The following PLCB4 variants were observed in gnomAD, a reference collection of about 807,000 sequenced individuals.
PLCB4 encodes phospholipase C beta 4, also known as 1-phosphatidylinositol 4,5-bisphosphate phosphodiesterase beta-4.
A neutral mutation model predicts 178.8 loss-of-function variants in PLCB4; 77 were observed. The observed-to-expected ratio is 0.43, with a 90% CI of 0.36 to 0.52. The LOEUF is 0.52. Among genes scored for constraint, PLCB4 ranks in the 20% least tolerant of loss-of-function variants. PLCB4 has a pLI of 0.00. For missense variants in PLCB4, 1,024 were observed against 1,453.4 expected (o/e 0.70, Z 4.80); for synonymous variants, 496 against 490.8 (o/e 1.01, Z -0.14).
intron 2 of PLCB4, among the ~76,000 whole-genome samples, chr20:9,169,622 A>G (rs576066363): frequency 3.4e-4 from 51 of 150,758 alleles, no homozygotes; most frequent in African/African-American, 1.2e-3. Flanking sequence ...TAAATAAATA[A>G]ATACTCTGCC....
At chr20:9,217,801 G>A (rs1427475327) in intron 3 of PLCB4, among the ~76,000 whole-genome samples, 1 of 152,130 alleles carries the variant, frequency 6.6e-6, no homozygotes, top group African/African-American at 2.4e-5. Context: ...CTTGTTTTCA[G>A]TCCTGTGCAG....
chr20:9,114,413 G>GA (rs761200376), intron 2 of PLCB4, among the ~76,000 whole-genome samples: 90 of 150,694 alleles, frequency 6.0e-4, no homozygotes, highest in Non-Finnish European at 9.3e-4. Context: ...GGAGAAGTCA[G>GA]AAAAAAAAAG....
intron 28 of PLCB4, among the ~76,000 whole-genome samples, chr20:9,425,284 A>G (rs2040921896): frequency 2.0e-5 from 3 of 152,220 alleles, no homozygotes; most frequent in Admixed American, 1.3e-4. Flanking sequence ...CATACTCCAC[A>G]TACGTGAGCT....
chr20:9,438,280 G>A (rs2148652832), intron 30 of PLCB4, among the ~76,000 whole-genome samples: 1 of 152,118 alleles, frequency 6.6e-6, no homozygotes, highest in Admixed American at 6.5e-5. Context: ...GCAGGAGAAT[G>A]GCGTGAGCCC....
At chr20:9,143,215 C>A (rs985879442) in intron 2 of PLCB4, among the ~76,000 whole-genome samples, 1 of 152,096 alleles carries the variant, frequency 6.6e-6, no homozygotes, top group African/African-American at 2.4e-5. Flanking sequence ...TTGGCTGACT[C>A]GTTTGTTGTC....
chr20:9,233,359 C>T (rs991660813), intron 3 of PLCB4, among the ~76,000 whole-genome samples: 1 of 151,834 alleles, frequency 6.6e-6, no homozygotes, highest in Non-Finnish European at 1.5e-5. Context: ...GTTCTAAGCA[C>T]TTGGAAGAGA....
chr20:9,147,703 A>C (rs2092622894), intron 2 of PLCB4, among the ~76,000 whole-genome samples: 2 of 152,144 alleles, frequency 1.3e-5, no homozygotes, highest in African/African-American at 4.8e-5. Flanking sequence ...GCAGAGGAGC[A>C]AGAATGAGAA....
intron 8 of PLCB4, among the ~76,000 whole-genome samples, chr20:9,363,927 CTTACAGGTGT>C (rs912711900): frequency 7.9e-5 from 12 of 152,314 alleles, no homozygotes; most frequent in Admixed American, 7.8e-4. Context: ...GTGGCAGGTG[CTTACAGGTGT>C]GGTCTCTAGG....
intron 4 of PLCB4, among the ~76,000 whole-genome samples, chr20:9,324,255 G>A (rs977427422): frequency 6.6e-6 from 1 of 151,882 alleles, no homozygotes; most frequent in Non-Finnish European, 1.5e-5. Flanking sequence ...GTGAAACCCT[G>A]TCTCTACTAA....
intron 2 of PLCB4, among the ~76,000 whole-genome samples, chr20:9,112,285 T>G (rs2091608049): frequency 6.6e-6 from 1 of 150,402 alleles, no homozygotes; most frequent in Admixed American, 6.6e-5. Flanking sequence ...AGATAGAGTC[T>G]TGCTCTGTTG....
intron 12 of PLCB4, among the ~76,000 whole-genome samples, 182 bp from the exon 13 acceptor site, chr20:9,379,872 C>T (rs1240189508): frequency 6.6e-6 from 1 of 151,954 alleles, no homozygotes; most frequent in African/African-American, 2.4e-5. Flanking sequence ...AAAGTATTCC[C>T]AAATGTGGAC....
chr20:9,158,495 C>A (rs1386920349), intron 2 of PLCB4, among the ~76,000 whole-genome samples: 1 of 151,020 alleles, frequency 6.6e-6, no homozygotes, highest in South Asian at 2.1e-4. Flanking sequence ...TCTCAAACTC[C>A]TGACCTCATG....
intron 2 of PLCB4, among the ~76,000 whole-genome samples, chr20:9,111,840 A>G (rs919401403): frequency 1.8e-4 from 28 of 152,348 alleles, no homozygotes; most frequent in Admixed American, 1.6e-3. Context: ...CCATACAGAA[A>G]TAATTACTTT....
chr20:9,421,860 C>T (rs1457443820), intron 27 of PLCB4, among the ~76,000 whole-genome samples: 31 of 152,204 alleles, frequency 2.0e-4, no homozygotes, highest in Admixed American at 2.0e-3. Context: ...GATGTCACTA[C>T]ATGGGTCAGT....
intron 4 of PLCB4, among the ~76,000 whole-genome samples, chr20:9,336,654 C>T (rs890643656): frequency 2.6e-5 from 4 of 151,356 alleles, no homozygotes; most frequent in Middle Eastern, 6.9e-3. Flanking sequence ...GTTCAAGATG[C>T]GCTTTACAGG....
At chr20:9,452,495 G>C (rs963745011) in intron 32 of PLCB4, among the ~76,000 whole-genome samples, 1 of 152,164 alleles carries the variant, frequency 6.6e-6, no homozygotes, top group Non-Finnish European at 1.5e-5. Context: ...GTGTCATTTA[G>C]AGTTGGAAAT....
intron 13 of PLCB4, among the ~76,000 whole-genome samples, chr20:9,383,081 G>A (rs1390823057): frequency 1.3e-5 from 2 of 152,130 alleles, no homozygotes; most frequent in African/African-American, 4.8e-5. Flanking sequence ...GATAAAAATA[G>A]CAAGTTGCAA....
At chr20:9,365,167 T>A (rs910629878) in intron 8 of PLCB4, among the ~76,000 whole-genome samples, 1 of 152,192 alleles carries the variant, frequency 6.6e-6, no homozygotes, top group Admixed American at 6.5e-5. Flanking sequence ...TAAATATGAA[T>A]TTTAGATAAG....
intron 28 of PLCB4, among the ~76,000 whole-genome samples, chr20:9,429,087 A>C (rs2041222333): frequency 6.6e-6 from 1 of 152,174 alleles, no homozygotes; most frequent in Non-Finnish European, 1.5e-5. Flanking sequence ...TGTTTTTAAA[A>C]ATACACATAA....
Sources: gnomAD v4.1 joint callset for allele counts (sites outside exome capture counted in the v4.1 genomes callset) on GRCh38, gnomAD v4.1.1 for gene constraint, MANE v1.5 for transcripts, NCBI Gene and HGNC (gene_info 2026-07-23, HGNC 2026-07-21) for gene names.